The following MEIS2 variants were observed in gnomAD, a reference collection of about 807,000 sequenced individuals.
The protein encoded by MEIS2 is Meis homeobox 2, also known as homeobox protein Meis2.
A neutral mutation model predicts 58.6 loss-of-function variants in MEIS2; 9 were observed. The observed-to-expected ratio is 0.15, with a 90% confidence interval of 0.09 to 0.27. MEIS2 has a LOEUF of 0.27. Ranked by LOEUF, MEIS2 falls within the 10% of genes least tolerant of loss-of-function variation. The pLI, the probability that MEIS2 is intolerant of heterozygous loss-of-function variation, is 1.00. For missense variants in MEIS2, 427 were observed against 635.0 expected, an observed-to-expected ratio of 0.67 and a Z score of 3.52; for synonymous variants, 221 against 228.4, an observed-to-expected ratio of 0.97 and a Z score of 0.29.
chr15:37,094,377 T>C (rs2140090513), intron 5 of MEIS2, 150 bp downstream of exon 5: 1 of 708,614 alleles, frequency 1.4e-6, no homozygotes, highest in Non-Finnish European at 2.4e-6. Flanking sequence ...AGCCCCTGTG[T>C]TGAGAAGCGA....
intron 8 of MEIS2, among the ~76,000 whole-genome samples, chr15:36,974,356 C>T (rs185091234): frequency 2.0e-4 from 31 of 152,296 alleles, no homozygotes; most frequent in African/African-American, 6.5e-4. Flanking sequence ...ATTAAGTCCA[C>T]TGATTTCATT....
chr15:36,903,090 G>A (rs1415394336), intron 9 of MEIS2, among the ~76,000 whole-genome samples: 1 of 152,130 alleles, frequency 6.6e-6, no homozygotes, highest in Non-Finnish European at 1.5e-5. Flanking sequence ...TAAAATATTT[G>A]AGAAATTTCC....
intron 8 of MEIS2, among the ~76,000 whole-genome samples, chr15:36,991,624 G>C (rs1012860135): frequency 6.6e-6 from 1 of 152,016 alleles, no homozygotes; most frequent in Non-Finnish European, 1.5e-5. Context: ...AAAATAGTTG[G>C]AAGTAAAATT....
At chr15:36,948,313 G>A (rs1362579820) in intron 9 of MEIS2, among the ~76,000 whole-genome samples, 1 of 151,876 alleles carries the variant, frequency 6.6e-6, no homozygotes, top group East Asian at 1.9e-4. Context: ...CCGTGTATAT[G>A]CCTTGGGGCT....
chr15:36,951,009 T>C (rs575698845), intron 8 of MEIS2, among the ~76,000 whole-genome samples: 94 of 152,266 alleles, frequency 6.2e-4, no homozygotes, highest in African/African-American at 2.2e-3. Flanking sequence ...GTTACTGCTC[T>C]AACAGGGTCA....
chr15:36,991,456 A>G (rs1369578407), intron 8 of MEIS2, among the ~76,000 whole-genome samples: 1 of 103,816 alleles, frequency 9.6e-6, no homozygotes, highest in African/African-American at 3.4e-5. Context: ...CATCACCTAC[A>G]TTATTGTAGG....
intron 8 of MEIS2, among the ~76,000 whole-genome samples, chr15:36,997,989 C>T (rs2060586270): frequency 6.6e-6 from 1 of 152,164 alleles, no homozygotes; most frequent in Non-Finnish European, 1.5e-5. Context: ...ACAGAGCAAG[C>T]CCAGTTGCTT....
At chr15:37,032,572 T>A (rs1035185687) in intron 8 of MEIS2, among the ~76,000 whole-genome samples, 2 of 152,228 alleles carry the variant, frequency 1.3e-5, no homozygotes, top group African/African-American at 4.8e-5. Context: ...CATTGGGTAC[T>A]TTCCAGCAAA....
intron 7 of MEIS2, among the ~76,000 whole-genome samples, chr15:37,043,084 G>C (rs2062499074): frequency 6.6e-6 from 1 of 152,162 alleles, no homozygotes; most frequent in Non-Finnish European, 1.5e-5. Context: ...TGACCTCTCA[G>C]CCATGTCTCT....
At chr15:36,977,080 T>C (rs76698476) in intron 8 of MEIS2, among the ~76,000 whole-genome samples, 2,762 of 152,134 alleles carry the variant, frequency 0.018, 74 homozygotes, top group African/African-American at 0.062. Flanking sequence ...GAGCCACGAT[T>C]GTGGGATTGC....
chr15:37,052,296 G>GGACAGT (rs1449849312), intron 7 of MEIS2, among the ~76,000 whole-genome samples: 2 of 152,198 alleles, frequency 1.3e-5, no homozygotes, highest in Non-Finnish European at 2.9e-5. Context: ...TCTACTACAT[G>GGACAGT]CCAGTTTCAG....
chr15:37,012,456 C>T (rs745374775), intron 8 of MEIS2, among the ~76,000 whole-genome samples: 2 of 152,174 alleles, frequency 1.3e-5, no homozygotes, highest in Non-Finnish European at 2.9e-5. Flanking sequence ...ATCATGCATC[C>T]TATTCATAGG....
At chr15:37,052,136 C>T (rs1033596151) in intron 7 of MEIS2, among the ~76,000 whole-genome samples, 1 of 152,168 alleles carries the variant, frequency 6.6e-6, no homozygotes, top group Non-Finnish European at 1.5e-5. Flanking sequence ...AGGAAAACCA[C>T]ATCATTCATG....
In MEIS2 at chr15:36,974,585, G is replaced by C. The variant is rs561476429; in HGVS notation, c.901-24185C>G. ...GTTGAAATAAGATCTTACCTTACAG[G>C]GCTGCCCCTCAGCCCACCTTATACT... On this transcript the variant is annotated intron_variant, in intron 8 of 11. Coordinates refer to ENST00000561208, the MANE Select transcript of MEIS2 (RefSeq NM_170675.5). Among the ~76,000 whole-genome samples, 3 of 152,110 alleles carry C rather than the reference G, an allele frequency of 2.0e-5. No homozygotes were observed. In the South Asian group the frequency reaches 6.2e-4, roughly 32 times the overall value.
intron 1 of MEIS2, 191 bp downstream of exon 1, chr15:37,099,264 A>G (rs927240559): frequency 2.1e-6 from 3 of 1,452,234 alleles, no homozygotes; most frequent in Non-Finnish European, 2.7e-6. Flanking sequence ...ACGCACGCAC[A>G]CACACTCGCA....
intron 8 of MEIS2, among the ~76,000 whole-genome samples, chr15:36,985,041 C>A (rs1479532621): frequency 6.6e-6 from 1 of 151,998 alleles, no homozygotes; most frequent in East Asian, 1.9e-4. Context: ...TTTAATTGAA[C>A]TTTTCTATTA....
intron 8 of MEIS2, among the ~76,000 whole-genome samples, chr15:37,019,117 T>C (rs1260339175): frequency 1.3e-5 from 2 of 152,114 alleles, no homozygotes; most frequent in African/African-American, 2.4e-5. Context: ...ATAGACTGTT[T>C]TACATATTCT....
intron 7 of MEIS2, among the ~76,000 whole-genome samples, chr15:37,040,114 G>T (rs1267218033): frequency 6.6e-6 from 1 of 151,152 alleles, no homozygotes; most frequent in Non-Finnish European, 1.5e-5. Context: ...GTATAAGATA[G>T]TTGGCAATCC....
At chr15:37,016,529 GA>G (rs369851850) in intron 8 of MEIS2, among the ~76,000 whole-genome samples, 1 of 152,044 alleles carries the variant, frequency 6.6e-6, no homozygotes, top group African/African-American at 2.4e-5. Flanking sequence ...CCAGCAGCTC[GA>G]AAAGGGATCA....
Sources: allele counts gnomAD v4.1 joint callset (sites outside exome capture counted in the v4.1 genomes callset), GRCh38; gene constraint gnomAD v4.1.1; transcripts MANE v1.5; gene names NCBI Gene and HGNC (gene_info 2026-07-23, HGNC 2026-07-21).